Variants in FAM186A observed in about 807,000 individuals in gnomAD.
FAM186A encodes family with sequence similarity 186 member A.
A neutral mutation model predicts 216.8 loss-of-function variants in FAM186A; 163 were observed. The ratio of observed to expected loss-of-function variants is 0.75; its 90% confidence interval spans 0.66 to 0.86. The LOEUF (loss-of-function observed/expected upper bound fraction) is 0.86. FAM186A is among the 40% of genes least tolerant of loss of function. The probability of loss-of-function intolerance (pLI) is 0.00; values close to 1 mark genes in which losing one functional copy is unlikely to be tolerated. For missense variants in FAM186A, 2,184 were observed against 2,746.2 expected, an observed-to-expected ratio of 0.80 and a Z score of 4.58; for synonymous variants, 805 against 1,025.3, an observed-to-expected ratio of 0.79 and a Z score of 4.10.
At chr12:50,395,770 T>C (rs969780997) in intron 1 of FAM186A, among the ~76,000 whole-genome samples, 2 of 152,156 alleles carry the variant, frequency 1.3e-5, no homozygotes, top group Non-Finnish European at 2.9e-5. Context: ...GAAAACTTTT[T>C]TTTTTTTTGA....
chr12:50,363,003 G>A lies in FAM186A; in HGVS notation c.412+142C>T, dbSNP rs188168540. 2.4e-4 allele frequency: 169 copies of A among 703,638 alleles called. No individual in the cohort carries two copies. In the African/African-American group the frequency reaches 2.4e-3, roughly 10 times the overall value. 43.6% of individuals were successfully genotyped at this position (703,638 alleles called of 1,614,324 possible). Reference sequence around the variant, plus strand: ...TATTTTTCCTATTTTATTCCTACTGGAATAGAGGATAACCATTCTCTGAAT... The same window carrying A: ...TATTTTTCCTATTTTATTCCTACTGAAATAGAGGATAACCATTCTCTGAAT... On this transcript the variant is annotated intron_variant, in intron 2 of 7. Coordinates refer to ENST00000327337, the MANE Select transcript of FAM186A (RefSeq NM_001145475.3).
At chr12:50,379,120 C>T (rs1245005953) in intron 1 of FAM186A, among the ~76,000 whole-genome samples, 1 of 151,526 alleles carries the variant, frequency 6.6e-6, no homozygotes, top group East Asian at 1.9e-4. Context: ...GCCTGGCCAA[C>T]ATGATGAAAC....
intron 4 of FAM186A, among the ~76,000 whole-genome samples, chr12:50,347,591 C>T (rs1942832354): frequency 6.6e-6 from 1 of 151,360 alleles, no homozygotes; most frequent in African/African-American, 2.4e-5. Flanking sequence ...ATTAGCTGGG[C>T]ATGGTGGCAC....
At chr12:50,336,961 T>C (rs1018155843) in intron 4 of FAM186A, among the ~76,000 whole-genome samples, 2 of 151,906 alleles carry the variant, frequency 1.3e-5, no homozygotes, top group African/African-American at 2.4e-5. Context: ...TCCATCTCTA[T>C]CTATATTGAG....
chr12:50,343,660 C>A (rs1379905934), intron 4 of FAM186A, among the ~76,000 whole-genome samples: 1 of 151,962 alleles, frequency 6.6e-6, no homozygotes, highest in Non-Finnish European at 1.5e-5. Context: ...GCTCCGTCAC[C>A]CAGGCTGGAG....
chr12:50,373,069 AAG>A (rs1334646248), intron 1 of FAM186A, among the ~76,000 whole-genome samples: 3 of 143,114 alleles, frequency 2.1e-5, no homozygotes, highest in South Asian at 2.2e-4. Flanking sequence ...GAAAGAAAGA[AAG>A]AAAGAGAAAA....
Position 50,350,993 on chromosome 12 carries a change from A to G in FAM186A, c.5839T>C (p.Trp1947Arg), listed in dbSNP as rs1942871895. The G allele has an allele frequency of 1.9e-6, 3 of 1,551,476 alleles. No individual in the cohort carries two copies. In the African/African-American group the frequency reaches 4.1e-5, roughly 21 times the overall value. ...SPAPGKPQKS[W>R]SPSVAKKRLA... ...CTTTTCTTAGCAACAGAAGGGGACC[A>G]ACTTTTCTGGGGCTTTCCAGGGGCT... The change falls in exon 4 of 8, where the codon TGG becomes CGG. Residue 1947 changes from tryptophan to arginine, a missense_variant. Coordinates refer to ENST00000327337, the MANE Select transcript of FAM186A (RefSeq NM_001145475.3).
In FAM186A at chr12:50,351,372, G is replaced by A; in HGVS notation, c.5460C>T (p.Pro1820=). 1 of 1,476,450 alleles carries A rather than the reference G, an allele frequency of 6.8e-7. No individual in the cohort carries two copies. The highest frequency in any genetic ancestry group is 9.0e-7 in the Non-Finnish European group (1 of 1,115,578). 91.5% of individuals were successfully genotyped at this position (1,476,450 alleles called of 1,614,324 possible). ...SAQFPAPQAP[P]SPGQLPISRA... ...GAGATATTGGGAGCTGCCCAGGGGA[G>A]GGAGGGGCCTGTGGTGCCGGGAACT... Residue 1820 remains proline (P), a synonymous_variant, in exon 4 of 8, where the codon CCC becomes CCT. Coordinates refer to ENST00000327337, the MANE Select transcript of FAM186A (RefSeq NM_001145475.3).
In FAM186A at chr12:50,360,624, G is replaced by T. The variant is rs943904709; in HGVS notation, c.583+132C>A. Reference sequence around the variant, plus strand: ...CACCTGAAACCTGGAGGTGGAGGTTGCATTGAACTGAGATCAGGCCACTGC... The same window carrying T: ...CACCTGAAACCTGGAGGTGGAGGTTTCATTGAACTGAGATCAGGCCACTGC... On this transcript the variant is annotated intron_variant, in intron 3 of 7. Coordinates refer to ENST00000327337, the MANE Select transcript of FAM186A (RefSeq NM_001145475.3). 5.4e-5 allele frequency: 34 copies of T among 634,360 alleles called. No individual in the cohort carries two copies. The East Asian group carries it at 1.1e-3, about 20-fold the overall frequency. The allele number at this position is 634,360 out of a possible 1,614,324, so 39.3% of individuals were successfully genotyped here.
chr12:50,366,172 T>G, intron 1 of FAM186A: 1 of 592,184 alleles, frequency 1.7e-6, no homozygotes. Context: ...CAAATCATCA[T>G]GCAAAATGAG....
In FAM186A at chr12:50,360,925, A is replaced by G. The variant is rs80175139; in HGVS notation, c.414T>C (p.Asn138=). The change falls in exon 3 of 8, where the codon AAT becomes AAC. Residue 138 remains asparagine (N), a splice_region_variant and synonymous_variant. Coordinates refer to ENST00000327337, the MANE Select transcript of FAM186A (RefSeq NM_001145475.3). ...ANILAWLEEW[N]DVLSEMTLMD... is the part of the protein sequence containing the mutation. ...TTAGAGTCATCTCAGACAAAACATC[A>G]TCTTGAAGAGAGTAAAAAAAAAATC... 3.3e-3 allele frequency: 5,034 copies of G among 1,531,494 alleles called. 134 individuals are homozygous for G. In the African/African-American group the frequency reaches 0.061, roughly 19 times the overall value. The allele number at this position is 1,531,494 out of a possible 1,614,324, so 94.9% of individuals were successfully genotyped here.
In FAM186A at chr12:50,378,671, A is replaced by T. The variant is rs188361620; in HGVS notation, c.193-15307T>A. 4.8e-3 allele frequency among the ~76,000 whole-genome samples: 724 copies of T among 149,762 alleles called. 4 individuals carry two copies. The highest frequency in any genetic ancestry group is 0.015 in the African/African-American group (633 of 41,080). ...ATATACACACACACATATATATATA[A>T]AATTAAATTAAAAAAAAGAAAATGA... On this transcript the variant is annotated intron_variant, in intron 1 of 7. Transcript: ENST00000327337.
intron 4 of FAM186A, among the ~76,000 whole-genome samples, chr12:50,335,404 G>A (rs1257933888): frequency 6.6e-6 from 1 of 152,296 alleles, no homozygotes; most frequent in African/African-American, 2.4e-5. Context: ...CAAGCACTTT[G>A]GGAAGCCAAG....
rs1942942110 is a variant in FAM186A, at chr12:50,353,940, T to C, written c.2892A>G (p.Lys964=). Residue 964 remains lysine, a synonymous_variant, in exon 4 of 8, where the codon AAA becomes AAG. Transcript: ENST00000327337. The part of the protein sequence containing the change: ...KHLGPHRRRE[K]GKEKQKPERG... ...TCTCTGGCTTCTGCTTTTCCTTCCC[T>C]TTCTCCCTTCTCCTGTGTGGCCCCA... 1.2e-5 allele frequency: 19 copies of C among 1,553,714 alleles called. 1 individual carries two copies. In the African/African-American group the frequency reaches 1.4e-4, roughly 11 times the overall value.
At chr12:50,376,377 A>C (rs532516253) in intron 1 of FAM186A, among the ~76,000 whole-genome samples, 3 of 152,314 alleles carry the variant, frequency 2.0e-5, no homozygotes, top group African/African-American at 4.8e-5. Context: ...CTCTCAGCAG[A>C]GAGGATACCT....
rs541673045 is a variant in FAM186A, at chr12:50,330,560, G to T, written c.7034+13C>A. ...AGGCCCAATTACCAGAGTGCTTCCA[G>T]TCCATAACTTACCGTGATTGGAGGG... On this transcript the variant is annotated intron_variant, in intron 7 of 7. Coordinates refer to ENST00000327337, the MANE Select transcript of FAM186A (RefSeq NM_001145475.3). The T allele has an allele frequency of 9.7e-6, 15 of 1,548,644 alleles. No individual in the cohort carries two copies. In the African/African-American group the frequency reaches 2.1e-4, roughly 21 times the overall value.
intron 7 of FAM186A, among the ~76,000 whole-genome samples, chr12:50,328,175 A>G (rs889323640): frequency 6.6e-6 from 1 of 152,242 alleles, no homozygotes; most frequent in African/African-American, 2.4e-5. Flanking sequence ...ATGTTGAAAA[A>G]TATCCAAATT....
intron 1 of FAM186A, among the ~76,000 whole-genome samples, chr12:50,388,340 C>T (rs916959911): frequency 3.3e-5 from 5 of 152,144 alleles, no homozygotes; most frequent in African/African-American, 1.2e-4. Context: ...TTCAGCCAGG[C>T]GGGCGCAGTG....
intron 2 of FAM186A, 120 bp from the exon 3 acceptor site, chr12:50,361,046 C>T (rs888596457): frequency 1.7e-5 from 11 of 637,840 alleles, no homozygotes; most frequent in Non-Finnish European, 2.6e-5. Context: ...AGGTATCTCA[C>T]ACTTACTGCC....
Sources: gnomAD v4.1 joint callset for allele counts (sites outside exome capture counted in the v4.1 genomes callset) on GRCh38, gnomAD v4.1.1 for gene constraint, MANE v1.5 for transcripts, NCBI Gene and HGNC (gene_info 2026-07-23, HGNC 2026-07-21) for gene names.